Variants in LDLRAD4 observed in about 807,000 individuals in gnomAD.
LDLRAD4 encodes low-density lipoprotein receptor class A domain-containing protein 4.
A neutral mutation model predicts 17.0 loss-of-function variants in LDLRAD4; 5 were observed. The observed-to-expected ratio is 0.29, with a 90% confidence interval of 0.15 to 0.62. The LOEUF is 0.62. Among genes scored for constraint, LDLRAD4 ranks in the 20% least tolerant of loss-of-function variants. LDLRAD4 has a pLI of 0.84. For synonymous variants in LDLRAD4, 168 were observed against 171.8 expected (o/e 0.98, Z 0.17); for missense variants, 340 against 424.7 (o/e 0.80, Z 1.75).
intron 2 of LDLRAD4, among the ~76,000 whole-genome samples, chr18:13,406,810 G>T (rs1044878019): frequency 1.3e-5 from 2 of 152,126 alleles, no homozygotes; most frequent in African/African-American, 4.8e-5. Flanking sequence ...GCACACTCAC[G>T]GGAGGAAGCC....
chr18:13,485,207 G>A (rs2093190756), intron 3 of LDLRAD4, among the ~76,000 whole-genome samples: 1 of 152,236 alleles, frequency 6.6e-6, no homozygotes, highest in Admixed American at 6.5e-5. Context: ...CCTGTGCTTT[G>A]CTCTCCAGGT....
At chr18:13,461,270 G>A (rs986883961) in intron 3 of LDLRAD4, 1 of 152,412 alleles carries the variant, frequency 6.6e-6, no homozygotes, top group Non-Finnish European at 1.5e-5. Flanking sequence ...ATAGCCTTGG[G>A]GACTGCATGG....
rs369188555 is a variant in LDLRAD4 at position 13,347,206 on chromosome 18, G to T, written c.-382-40135G>T. On this transcript the variant is annotated intron_variant, in intron 1 of 5. Coordinates refer to ENST00000359446, the Ensembl canonical transcript of LDLRAD4. ...ATTTGGCATGTTTTTGCAGTGGCTG[G>T]TACTGGTTGTTCCTTTCCATGTTTA... Among the ~76,000 whole-genome samples the T allele has an allele frequency of 5.9e-5, 9 of 152,314 alleles. No homozygotes were observed. In the East Asian group the frequency reaches 1.5e-3, roughly 26 times the overall value.
chr18:13,302,947 C>T (rs2046690071), intron 1 of LDLRAD4, among the ~76,000 whole-genome samples: 1 of 152,254 alleles, frequency 6.6e-6, no homozygotes, highest in Non-Finnish European at 1.5e-5. Context: ...CTGCTGCTGA[C>T]TGTAAAATGA....
intron 2 of LDLRAD4, among the ~76,000 whole-genome samples, chr18:13,429,858 C>G (rs2090207864): frequency 6.6e-6 from 1 of 152,238 alleles, no homozygotes; most frequent in African/African-American, 2.4e-5. Flanking sequence ...TGAAAAGCTG[C>G]TGGTGTAGTC....
chr18:13,624,669 G>A (rs1313238291), intron 4 of LDLRAD4, among the ~76,000 whole-genome samples: 3 of 152,198 alleles, frequency 2.0e-5, no homozygotes, highest in South Asian at 2.1e-4. Context: ...TGCAGTTGGC[G>A]AGGGCAGTTC....
At chr18:13,283,190 A>G (rs1230541709) in intron 1 of LDLRAD4, among the ~76,000 whole-genome samples, 2 of 152,158 alleles carry the variant, frequency 1.3e-5, no homozygotes, top group Non-Finnish European at 2.9e-5. Context: ...GCCTGGAGAC[A>G]TTTTCCCCAT....
chr18:13,480,441 A>AT (rs1204683416), intron 3 of LDLRAD4, among the ~76,000 whole-genome samples: 2 of 152,130 alleles, frequency 1.3e-5, no homozygotes, highest in Non-Finnish European at 2.9e-5. Context: ...AGCACAAAGG[A>AT]TTTTTAGGGC....
At chr18:13,612,827 T>G (rs1308608182) in intron 3 of LDLRAD4, 5 of 1,607,566 alleles carry the variant, frequency 3.1e-6, no homozygotes, top group African/African-American at 1.3e-5. Context: ...GGGTTTGCTG[T>G]GGTTCTTCTT....
chr18:13,481,001 T>G (rs1248814459), intron 3 of LDLRAD4, among the ~76,000 whole-genome samples: 2 of 152,212 alleles, frequency 1.3e-5, no homozygotes, highest in Admixed American at 1.3e-4. Context: ...GATCGTTGTC[T>G]TCCTGGGAAC....
chr18:13,603,790 C>G (rs1269756301), intron 3 of LDLRAD4, among the ~76,000 whole-genome samples: 1 of 152,254 alleles, frequency 6.6e-6, no homozygotes, highest in African/African-American at 2.4e-5. Flanking sequence ...TTTCACAGGC[C>G]TCACGACCCC....
intron 3 of LDLRAD4, chr18:13,616,080 C>T (rs1368177759): frequency 6.6e-6 from 1 of 152,240 alleles, no homozygotes; most frequent in Non-Finnish European, 1.5e-5. Context: ...TTCCAGCCCA[C>T]TCCTCCCCAA....
At chr18:13,593,702 G>T (rs1019249912) in intron 3 of LDLRAD4, among the ~76,000 whole-genome samples, 43 of 152,116 alleles carry the variant, frequency 2.8e-4, no homozygotes, top group African/African-American at 1.0e-3. Context: ...ACACAATCCT[G>T]CCTCAGCCTC....
At chr18:13,424,990 C>T (rs8089195) in intron 2 of LDLRAD4, among the ~76,000 whole-genome samples, 61,681 of 152,096 alleles carry the variant, frequency 0.41, 14,292 homozygotes, top group East Asian at 0.62. Context: ...CCAGAGATAA[C>T]AGTTTGCTTA....
At chr18:13,288,988 A>C (rs2045812444) in intron 1 of LDLRAD4, among the ~76,000 whole-genome samples, 1 of 152,240 alleles carries the variant, frequency 6.6e-6, no homozygotes, top group African/African-American at 2.4e-5. Flanking sequence ...GGCACTGTGG[A>C]AACAGCCTCA....
intron 1 of LDLRAD4, among the ~76,000 whole-genome samples, chr18:13,256,727 T>A (rs760822023): frequency 2.6e-5 from 4 of 152,154 alleles, no homozygotes; most frequent in Non-Finnish European, 5.9e-5. Context: ...AGAGCCCTGG[T>A]AAGCTGGTGT....
chr18:13,322,681 G>A (rs1312391360), intron 1 of LDLRAD4, among the ~76,000 whole-genome samples: 3 of 148,024 alleles, frequency 2.0e-5, no homozygotes, highest in South Asian at 2.2e-4. Context: ...GCAGTGGCGC[G>A]ATCTCAGCTC....
chr18:13,225,058 A>G (rs2041703116), intron 1 of LDLRAD4, among the ~76,000 whole-genome samples: 1 of 146,186 alleles, frequency 6.8e-6, no homozygotes, highest in South Asian at 2.2e-4. Context: ...CTGGTTTCTC[A>G]CTCCTCACCT....
intron 3 of LDLRAD4, among the ~76,000 whole-genome samples, chr18:13,464,625 G>A (rs1011710579): frequency 1.3e-5 from 2 of 152,102 alleles, no homozygotes; most frequent in Admixed American, 6.5e-5. Flanking sequence ...GGGCCACCGT[G>A]TGTCTAGAAC....
Sources: gnomAD v4.1 joint callset for allele counts (sites outside exome capture counted in the v4.1 genomes callset) on GRCh38, gnomAD v4.1.1 for gene constraint, MANE v1.5 for transcripts, NCBI Gene and HGNC (gene_info 2026-07-23, HGNC 2026-07-21) for gene names.